Variants in ABCA12 observed in about 807,000 individuals in gnomAD.
The protein encoded by ABCA12 is glucosylceramide transporter ABCA12.
A neutral mutation model predicts 293.5 loss-of-function variants in ABCA12; 156 were observed. The observed-to-expected ratio is 0.53, with a 90% CI of 0.47 to 0.61. The LOEUF is 0.61. Among genes scored for constraint, ABCA12 ranks in the 20% least tolerant of loss-of-function variants. ABCA12 has a pLI of 0.00. For synonymous variants in ABCA12, 1,063 were observed against 1,108.0 expected (o/e 0.96, Z 0.81); for missense variants, 2,797 against 3,090.2 (o/e 0.91, Z 2.25).
intron 2 of ABCA12, among the ~76,000 whole-genome samples, chr2:215,064,812 T>A (rs1701610566): frequency 6.6e-6 from 1 of 151,938 alleles, no homozygotes; most frequent in Non-Finnish European, 1.5e-5. Flanking sequence ...GTATTTCATT[T>A]TATTTTCTTC....
At chr2:214,937,953 AT>A (rs962288452) in intron 50 of ABCA12, among the ~76,000 whole-genome samples, 3 of 151,406 alleles carry the variant, frequency 2.0e-5, no homozygotes, top group African/African-American at 7.3e-5. Flanking sequence ...TTTTTTTCTT[AT>A]TTTTTGTGTT....
intron 39 of ABCA12, among the ~76,000 whole-genome samples, chr2:214,959,866 A>G (rs1425640598): frequency 6.6e-6 from 1 of 152,186 alleles, no homozygotes; most frequent in Non-Finnish European, 1.5e-5. Context: ...AGTTTCCCAA[A>G]GGAAAACAAT....
chr2:214,932,211 G>A lies in ABCA12; in HGVS notation c.*423C>T, dbSNP rs1698079600. 4.2e-6 allele frequency: 1 copy of A among 239,814 alleles called. No homozygotes were observed. The highest frequency in any genetic ancestry group is 2.3e-5 in the African/African-American group (1 of 42,896). The allele number at this position is 239,814 out of a possible 1,614,324, so 14.9% of individuals were successfully genotyped here. ...ATGATGTTCATTCTGTTGTTTTCTG[G>A]AAATAAATTATGTTGTCTGCTTGCC... On this transcript the variant is annotated 3_prime_UTR_variant, in exon 53 of 53. Transcript: ENST00000272895.
chr2:215,138,299 T>C lies in ABCA12; in HGVS notation c.-91A>G. On this transcript the variant is annotated 5_prime_UTR_variant, in exon 1 of 53. Coordinates refer to ENST00000272895, the MANE Select transcript of ABCA12 (RefSeq NM_173076.3). ...CCCCGTCCAACTTGCTGTATGTCAG[T>C]GTATCAGTACCCCTTTCACGGCATA... The C allele has an allele frequency of 7.5e-7, 1 of 1,330,472 alleles. No individual in the cohort carries two copies. Among genetic ancestry groups the C allele is most frequent in the Non-Finnish European group, 1.1e-6 (1 of 922,202 alleles). 82.4% of individuals were successfully genotyped at this position (1,330,472 alleles called of 1,614,324 possible). A position where few individuals can be genotyped will look rare whatever the true frequency, so the allele number is the denominator to read the frequency against.
Position 214,982,345 on chromosome 2 carries a change from T to C in ABCA12, c.4421A>G (p.Lys1474Arg). ...GCCTCCTGACAGTGTTCCAACTCTC[T>C]TATGACGATGGCTATATAGTCCAGT... Reference protein sequence around the residue: ...KDTGLYSHRHKRVGTLSGGMK... With the variant: ...KDTGLYSHRHRRVGTLSGGMK... The change falls in exon 30 of 53, where the codon AAG becomes AGG. Residue 1474 changes from lysine (K) to arginine (R), a missense_variant. Physicochemically the swap from Lys to Arg is conservative, Grantham distance 26. Around this residue, in one of 3 missense-constraint regions of ABCA12, gnomAD observed 2,130 missense variants for 2,427.0 expected, o/e 0.88. Transcript: ENST00000272895. 1 of 1,614,088 alleles carries C rather than the reference T, an allele frequency of 6.2e-7. No homozygotes were observed. The highest frequency in any genetic ancestry group is 8.5e-7 in the Non-Finnish European group (1 of 1,179,960).
At chr2:215,045,188 A>C (rs1376668395) in intron 7 of ABCA12, among the ~76,000 whole-genome samples, 1 of 152,174 alleles carries the variant, frequency 6.6e-6, no homozygotes. Flanking sequence ...TATACAGGGC[A>C]ATCAAAACCT....
intron 3 of ABCA12, among the ~76,000 whole-genome samples, chr2:215,057,753 A>C (rs532615029): frequency 5.2e-4 from 79 of 152,172 alleles, no homozygotes; most frequent in African/African-American, 1.9e-3. Context: ...AATGAGGAAC[A>C]TTACTTGGAA....
At chr2:214,997,067 T>A (rs965931203) in intron 23 of ABCA12, among the ~76,000 whole-genome samples, 1 of 152,214 alleles carries the variant, frequency 6.6e-6, no homozygotes, top group Non-Finnish European at 1.5e-5. Flanking sequence ...GATTTGGGGT[T>A]AATGATGAAG....
At chr2:215,024,472 C>T (rs1336662040) in intron 11 of ABCA12, among the ~76,000 whole-genome samples, 1 of 152,120 alleles carries the variant, frequency 6.6e-6, no homozygotes, top group African/African-American at 2.4e-5. Context: ...CTAATATTAT[C>T]GAAGAAGTGG....
At chr2:214,972,763 T>C (rs1699414796) in intron 36 of ABCA12, among the ~76,000 whole-genome samples, 1 of 152,118 alleles carries the variant, frequency 6.6e-6, no homozygotes. Context: ...GTTAGGTAAC[T>C]TTTCCTGTGA....
chr2:214,947,856 C>A, intron 47 of ABCA12: 1 of 390,026 alleles, frequency 2.6e-6, no homozygotes, highest in East Asian at 6.1e-5. Context: ...CCACAAGATT[C>A]TCTAGTAAGG....
chr2:215,039,759 A>T (rs1465344062), intron 7 of ABCA12, among the ~76,000 whole-genome samples: 2 of 151,048 alleles, frequency 1.3e-5, no homozygotes, highest in Admixed American at 6.6e-5. Flanking sequence ...CTTCTCACAA[A>T]AAATAAATAA....
intron 2 of ABCA12, among the ~76,000 whole-genome samples, chr2:215,070,770 G>T (rs1001636180): frequency 6.6e-6 from 1 of 151,788 alleles, no homozygotes; most frequent in African/African-American, 2.4e-5. Context: ...GGTTTACAAG[G>T]TCATCACAGT....
intron 50 of ABCA12, among the ~76,000 whole-genome samples, chr2:214,940,657 G>T (rs1698368374): frequency 6.6e-6 from 1 of 152,164 alleles, no homozygotes; most frequent in Non-Finnish European, 1.5e-5. Flanking sequence ...CTTGTTATTG[G>T]TCTATTGAGG....
At position 215,113,664 on chromosome 2, in the gene ABCA12, T is replaced by A. The variant is rs945763154; in HGVS notation, c.70-1974A>T. Among the ~76,000 whole-genome samples, 5 of 152,194 alleles carry A rather than the reference T, an allele frequency of 3.3e-5. No individual in the cohort carries two copies. In the South Asian group the frequency reaches 6.2e-4, roughly 19 times the overall value. On this transcript the variant is annotated intron_variant, in intron 1 of 52. Transcript: ENST00000272895. ...GGAAAATTTCTTTGGGATCACCTAA[T>A]GAATAGAATTCAAGGCATTTGTAAA...
At chr2:215,035,293 G>C (rs969059414) in intron 8 of ABCA12, among the ~76,000 whole-genome samples, 4 of 152,160 alleles carry the variant, frequency 2.6e-5, no homozygotes, top group African/African-American at 2.4e-5. Context: ...GAAACAAAAG[G>C]TAAGTGTATC....
intron 2 of ABCA12, among the ~76,000 whole-genome samples, chr2:215,071,009 T>G (rs566785956): frequency 6.6e-6 from 1 of 151,896 alleles, no homozygotes; most frequent in East Asian, 2.0e-4. Context: ...GGCGAAACCC[T>G]GTTTCTACAA....
At chr2:214,987,244 C>G (rs1264239571) in intron 27 of ABCA12, among the ~76,000 whole-genome samples, 1 of 152,174 alleles carries the variant, frequency 6.6e-6, no homozygotes, top group Non-Finnish European at 1.5e-5. Context: ...ATCAGGAAGA[C>G]ACAAGCTTTG....
intron 37 of ABCA12, 112 bp downstream of exon 37, chr2:214,970,161 A>T: frequency 7.2e-6 from 8 of 1,116,750 alleles, no homozygotes; most frequent in Non-Finnish European, 1.0e-5. Context: ...AAAACTGAGA[A>T]TTTAACCATG....
Sources: allele counts gnomAD v4.1 joint callset (sites outside exome capture counted in the v4.1 genomes callset), GRCh38; gene constraint gnomAD v4.1.1; regional missense constraint gnomAD v4.1.1; transcripts MANE v1.5; gene names NCBI Gene and HGNC (gene_info 2026-07-23, HGNC 2026-07-21).